CRADD: variants seen among roughly 807,000 people sequenced by gnomAD.
CRADD encodes CARD and death domain containing adaptor protein.
In CRADD, 9 loss-of-function variants were observed where a neutral mutation model predicts 15.5. The observed-to-expected ratio is 0.58, with a 90% CI of 0.35 to 1.01. CRADD has a LOEUF of 1.01. CRADD is among the 50% of genes least tolerant of loss of function. The pLI is 0.02. For missense variants in CRADD, 227 were observed against 250.3 expected (o/e 0.91, Z 0.63); for synonymous variants, 118 against 107.6 (o/e 1.10, Z -0.60).
chr12:93,856,469 A>ACCT lies in CRADD; in HGVS notation c.299-37580_299-37579insCTC, dbSNP rs915523522. 8.5e-4 allele frequency among the ~76,000 whole-genome samples: 129 copies of ACCT among 152,358 alleles called. 1 individual carries two copies. Among genetic ancestry groups the ACCT allele is most frequent in the African/African-American group, 3.0e-3 (124 of 41,594 alleles). ...ATAACCACCAGCAACTATGGCAAGC[A>ACCT]CAGAGGGAGCAATTAAGTTGGCCAC... On this transcript the variant is annotated intron_variant, in intron 2 of 2. Coordinates refer to the CRADD transcript ENST00000548483.
At chr12:93,869,725 T>C (rs1026772399) in intron 2 of CRADD, among the ~76,000 whole-genome samples, 1 of 152,022 alleles carries the variant, frequency 6.6e-6, no homozygotes. Context: ...TCAGAGAACT[T>C]GAAGAAAAGC....
At chr12:93,825,443 TTAAGAG>T (rs1201969530) in intron 2 of CRADD, among the ~76,000 whole-genome samples, 1 of 152,204 alleles carries the variant, frequency 6.6e-6, no homozygotes, top group African/African-American at 2.4e-5. Context: ...GGCGATGGCT[TTAAGAG>T]TAAAAGTGTT....
intron 2 of CRADD, among the ~76,000 whole-genome samples, chr12:93,797,965 G>A (rs1300080605): frequency 6.6e-6 from 1 of 152,082 alleles, no homozygotes; most frequent in African/African-American, 2.4e-5. Flanking sequence ...TTTTAGTTGT[G>A]TCACTCAGGC....
chr12:93,843,851 G>A (rs1433041155), intron 2 of CRADD, among the ~76,000 whole-genome samples: 1 of 151,944 alleles, frequency 6.6e-6, no homozygotes, highest in Non-Finnish European at 1.5e-5. Context: ...CTCCCAAGTA[G>A]CTGGAATTAC....
intron 2 of CRADD, among the ~76,000 whole-genome samples, chr12:93,727,040 A>G (rs1012965974): frequency 3.3e-5 from 5 of 152,212 alleles, no homozygotes; most frequent in African/African-American, 1.2e-4. Context: ...AGCAACAACT[A>G]TTATTATCCT....
At chr12:93,849,409 G>C (rs1178671663) in intron 2 of CRADD, 1 of 152,622 alleles carries the variant, frequency 6.6e-6, no homozygotes, top group Non-Finnish European at 1.5e-5. Context: ...AGTTTTTCTG[G>C]TGGGATTTCT....
At chr12:93,843,536 A>T (rs767255851) in intron 2 of CRADD, among the ~76,000 whole-genome samples, 72 of 149,200 alleles carry the variant, frequency 4.8e-4, no homozygotes, top group Admixed American at 1.1e-3. Flanking sequence ...CCCGCCACCA[A>T]GCCCAGCTAA....
intron 2 of CRADD, among the ~76,000 whole-genome samples, chr12:93,713,068 T>C (rs1448682789): frequency 6.6e-6 from 1 of 152,172 alleles, no homozygotes; most frequent in Non-Finnish European, 1.5e-5. Flanking sequence ...AAGATCGTTT[T>C]TTTTTAAAGC....
In CRADD at chr12:93,715,690, G is replaced by A. The variant is rs779367306; in HGVS notation, c.298+36618G>A. On this transcript the variant is annotated intron_variant, in intron 2 of 2. Coordinates refer to ENST00000332896, the MANE Select transcript of CRADD (RefSeq NM_003805.5). ...CAAATATTTAGAGCTATATTTAATGGAAGTATATGTGAATTGGTGGTATAA... is the reference window on the plus strand; with the variant it reads ...CAAATATTTAGAGCTATATTTAATGAAAGTATATGTGAATTGGTGGTATAA... 1.5e-4 allele frequency among the ~76,000 whole-genome samples: 23 copies of A among 152,264 alleles called. 1 individual carries two copies. The highest frequency in any genetic ancestry group is 3.4e-3 in the Middle Eastern group (1 of 294).
In CRADD at chr12:93,678,672, A is replaced by ATCTT; in HGVS notation, c.-6-96_-6-95insCTTT. 4 of 1,298,298 alleles carry ATCTT rather than the reference A, an allele frequency of 3.1e-6. No individual in the cohort carries two copies. The Middle Eastern group carries it at 8.3e-4, about 271-fold the overall frequency. The allele number at this position is 1,298,298 out of a possible 1,614,324, so 80.4% of individuals were successfully genotyped here. A position where few individuals can be genotyped will look rare whatever the true frequency, so the allele number is the denominator to read the frequency against. On this transcript the variant is annotated intron_variant, in intron 1 of 2. Coordinates refer to ENST00000332896, the MANE Select transcript of CRADD (RefSeq NM_003805.5). ...CCTGGCAGTCTGCTATGGTTTAAAG[A>ATCTT]TGTGCTTGACCTGAAGGAACTTACA...
intron 2 of CRADD, among the ~76,000 whole-genome samples, chr12:93,758,427 C>G (rs1956914900): frequency 6.6e-6 from 1 of 151,896 alleles, no homozygotes; most frequent in Non-Finnish European, 1.5e-5. Flanking sequence ...TGATGGTATA[C>G]TAAGAAATAT....
intron 2 of CRADD, among the ~76,000 whole-genome samples, chr12:93,785,390 C>T (rs2136977517): frequency 6.6e-6 from 1 of 152,272 alleles, no homozygotes; most frequent in Non-Finnish European, 1.5e-5. Flanking sequence ...TGGCTTGAGT[C>T]ACCCACTGGT....
intron 2 of CRADD, among the ~76,000 whole-genome samples, chr12:93,823,422 A>T (rs1012809040): frequency 1.3e-5 from 2 of 152,178 alleles, no homozygotes; most frequent in African/African-American, 4.8e-5. Flanking sequence ...TAATGGATTA[A>T]TAAGTTAGCT....
At chr12:93,682,159 C>T (rs1955324541) in intron 2 of CRADD, among the ~76,000 whole-genome samples, 1 of 152,028 alleles carries the variant, frequency 6.6e-6, no homozygotes, top group South Asian at 2.1e-4. Flanking sequence ...ATTTAACGTC[C>T]CTATAAAAAA....
rs1565928232 is a variant in CRADD at position 93,824,411 on chromosome 12, T to TACACACACATACACAC, written c.299-25549_299-25534dup. Among the ~76,000 whole-genome samples, 3 of 118,646 alleles carry TACACACACATACACAC rather than the reference T, an allele frequency of 2.5e-5. No individual in the cohort carries two copies. The highest frequency in any genetic ancestry group is 9.6e-5 in the African/African-American group (3 of 31,366). 77.8% of individuals were successfully genotyped at this position (118,646 alleles called of 152,430 possible). A position where few individuals can be genotyped will look rare whatever the true frequency, so the allele number is the denominator to read the frequency against. The stretch of plus-strand genomic sequence containing the variant: ...TCTTTGGAAAACACACACACACTCA[T>TACACACACATACACAC]ACACACACATACACACACACACACA... On this transcript the variant is annotated intron_variant, in intron 2 of 2. Transcript: ENST00000332896. This position sits in a 1 kb window ranked among gnomAD's most constrained non-coding sequence, Gnocchi z 4.3.
intron 2 of CRADD, among the ~76,000 whole-genome samples, chr12:93,702,338 G>T (rs1484301292): frequency 6.6e-6 from 1 of 151,642 alleles, no homozygotes; most frequent in Admixed American, 6.6e-5. Flanking sequence ...ATATAAGGGA[G>T]CTGGCCTAGG....
chr12:93,744,309 G>T (rs1328505395), intron 2 of CRADD, among the ~76,000 whole-genome samples: 1 of 152,180 alleles, frequency 6.6e-6, no homozygotes, highest in Non-Finnish European at 1.5e-5. Flanking sequence ...GCCTTTCTTG[G>T]AGAGCACTAA....
chr12:93,894,689 C>G (rs954060541), exon 3 of CRADD: 3 of 153,316 alleles, frequency 2.0e-5, no homozygotes, highest in Admixed American at 1.9e-4. Flanking sequence ...AGGGAGGAAG[C>G]AAGTTCCACA....
At chr12:93,862,276 G>A (rs1314020689) in intron 2 of CRADD, among the ~76,000 whole-genome samples, 2 of 152,212 alleles carry the variant, frequency 1.3e-5, no homozygotes, top group Non-Finnish European at 2.9e-5. Flanking sequence ...CCCATGAGAA[G>A]TTGAAAATAG....
Sources: allele counts gnomAD v4.1 joint callset (sites outside exome capture counted in the v4.1 genomes callset), GRCh38; gene constraint gnomAD v4.1.1; non-coding constraint Gnocchi (gnomAD v3.1); transcripts MANE v1.5; gene names NCBI Gene and HGNC (gene_info 2026-07-23, HGNC 2026-07-21).